PREX1: variants seen among roughly 807,000 people sequenced by gnomAD.
The protein encoded by PREX1 is phosphatidylinositol-3,4,5-trisphosphate dependent Rac exchange factor 1, also known as phosphatidylinositol 3,4,5-trisphosphate-dependent Rac exchanger 1 protein.
PREX1 carries 41 observed loss-of-function variants against 198.3 expected under a neutral mutation model. The ratio of observed to expected loss-of-function variants is 0.21; its 90% CI spans 0.16 to 0.27. The LOEUF (loss-of-function observed/expected upper bound fraction) is 0.27. Ranked by LOEUF, PREX1 falls within the 10% of genes least tolerant of loss-of-function variation. The pLI, the probability that PREX1 is intolerant of heterozygous loss-of-function variation, is 1.00. For synonymous variants in PREX1, 843 were observed against 887.2 expected (o/e 0.95, Z 0.89); for missense variants, 1,620 against 2,200.7 (o/e 0.74, Z 5.28).
At chr20:48,628,598 C>G (rs1373888573) in intron 37 of PREX1, among the ~76,000 whole-genome samples, 2 of 152,190 alleles carry the variant, frequency 1.3e-5, no homozygotes, top group Non-Finnish European at 2.9e-5. Flanking sequence ...AGGCCAGGAG[C>G]TCCTCCCTCC....
chr20:48,759,204 A>G (rs766327333), intron 1 of PREX1, among the ~76,000 whole-genome samples: 6 of 152,098 alleles, frequency 3.9e-5, no homozygotes, highest in Non-Finnish European at 8.8e-5. Flanking sequence ...TATAACATGG[A>G]TGGGGACCAT....
chr20:48,766,482 G>T (rs143502280), intron 1 of PREX1, among the ~76,000 whole-genome samples: 1 of 152,194 alleles, frequency 6.6e-6, no homozygotes, highest in African/African-American at 2.4e-5. Flanking sequence ...CAGCCAGACC[G>T]GCCTCCAGGA....
At chr20:48,668,707 A>G (rs1293901977) in intron 14 of PREX1, among the ~76,000 whole-genome samples, 1 of 152,170 alleles carries the variant, frequency 6.6e-6, no homozygotes, top group Non-Finnish European at 1.5e-5. Flanking sequence ...CCATAAAGAC[A>G]CATTTCTCCC....
At chr20:48,707,588 C>T (rs994938320) in intron 6 of PREX1, among the ~76,000 whole-genome samples, 3 of 152,232 alleles carry the variant, frequency 2.0e-5, no homozygotes, top group African/African-American at 7.2e-5. Flanking sequence ...CATCTTCCCT[C>T]TTAATCTCCT....
At chr20:48,713,469 A>T (rs2123099665) in intron 5 of PREX1, among the ~76,000 whole-genome samples, 1 of 152,174 alleles carries the variant, frequency 6.6e-6, no homozygotes, top group South Asian at 2.1e-4. Flanking sequence ...GAGGCAACAT[A>T]GTACTGTATA....
chr20:48,659,866 T>A, intron 16 of PREX1, 53 bp downstream of exon 16: 2 of 1,610,626 alleles, frequency 1.2e-6, no homozygotes, highest in Non-Finnish European at 1.7e-6. Context: ...CCAGCTCCCA[T>A]GCCTGCAGGG....
chr20:48,702,815 CCA>C (rs760838122), intron 6 of PREX1, among the ~76,000 whole-genome samples: 7 of 152,374 alleles, frequency 4.6e-5, no homozygotes, highest in Non-Finnish European at 1.0e-4. Flanking sequence ...CAGCAGTCAA[CCA>C]CAGACTTTAA....
intron 7 of PREX1, among the ~76,000 whole-genome samples, chr20:48,695,214 T>C (rs944474220): frequency 1.3e-5 from 2 of 152,200 alleles, no homozygotes; most frequent in African/African-American, 4.8e-5. Flanking sequence ...TCTAACCCCA[T>C]AGATTTGCTT....
At chr20:48,700,592 A>G (rs1458527493) in intron 7 of PREX1, among the ~76,000 whole-genome samples, 161 bp downstream of exon 7, 5 of 152,244 alleles carry the variant, frequency 3.3e-5, no homozygotes, top group African/African-American at 7.2e-5. Flanking sequence ...AACATTTAAC[A>G]TAACACGTGG....
intron 25 of PREX1, among the ~76,000 whole-genome samples, chr20:48,647,944 C>CA (rs1474996632): frequency 6.6e-6 from 1 of 152,208 alleles, no homozygotes; most frequent in Non-Finnish European, 1.5e-5. Flanking sequence ...CTCGTTCTTT[C>CA]ACCCAGGCTG....
At chr20:48,829,696 G>A (rs749300176), upstream of PREX1, among the ~76,000 whole-genome samples, 1 of 152,098 alleles carries the variant, frequency 6.6e-6, no homozygotes, top group Non-Finnish European at 1.5e-5. Context: ...AACTGTTCAC[G>A]GTACCTTTCT....
chr20:48,882,142 G>C, the PREX1 span, among the ~76,000 whole-genome samples: 1 of 152,074 alleles, frequency 6.6e-6, no homozygotes, highest in African/African-American at 2.4e-5. Context: ...ATTTTGTTTA[G>C]ACAACCATCA....
At chr20:48,778,992 A>G (rs1020652924) in intron 1 of PREX1, among the ~76,000 whole-genome samples, 1 of 152,246 alleles carries the variant, frequency 6.6e-6, no homozygotes, top group Non-Finnish European at 1.5e-5. Context: ...AAGATCCGTA[A>G]AAGAAGAAAA....
At chr20:48,636,434 G>A (rs775210911) in intron 32 of PREX1, 29 bp downstream of exon 32, 58 of 1,570,184 alleles carry the variant, frequency 3.7e-5, no homozygotes, top group Admixed American at 6.9e-5. Context: ...GTGGGCCAGC[G>A]GGGCCGCCCT....
At chr20:48,863,019 G>T in the PREX1 span, among the ~76,000 whole-genome samples, 3 of 151,516 alleles carry the variant, frequency 2.0e-5, no homozygotes, top group African/African-American at 7.3e-5. Flanking sequence ...GTAGAGATGG[G>T]GTCACACCAG....
At chr20:48,763,493 G>A (rs559003671) in intron 1 of PREX1, among the ~76,000 whole-genome samples, 2 of 152,346 alleles carry the variant, frequency 1.3e-5, no homozygotes, top group East Asian at 3.9e-4. Flanking sequence ...GTGGAATGCG[G>A]TCTCCTCTCT....
chr20:48,661,468 T>TATATACACAC (rs1373152651), intron 15 of PREX1, among the ~76,000 whole-genome samples: 2 of 76,814 alleles, frequency 2.6e-5, no homozygotes, highest in African/African-American at 2.0e-4. Context: ...TATATATATA[T>TATATACACAC]ACACACACAT....
chr20:48,850,220 G>A, the PREX1 span, among the ~76,000 whole-genome samples: 1 of 152,152 alleles, frequency 6.6e-6, no homozygotes, highest in African/African-American at 2.4e-5. Context: ...GTGGGCTCTG[G>A]CTTTCCCATC....
chr20:48,680,654 C>T (rs1386789776), intron 11 of PREX1, among the ~76,000 whole-genome samples: 1 of 152,004 alleles, frequency 6.6e-6, no homozygotes, highest in Non-Finnish European at 1.5e-5. Context: ...CTGCCTGGAA[C>T]CATCATGCCC....
Sources: allele counts gnomAD v4.1 joint callset (sites outside exome capture counted in the v4.1 genomes callset), GRCh38; gene constraint gnomAD v4.1.1; transcripts MANE v1.5; gene names NCBI Gene and HGNC (gene_info 2026-07-23, HGNC 2026-07-21).